Variants in FOXP2 observed in about 807,000 individuals in gnomAD.
FOXP2 encodes the protein forkhead box protein P2.
Under a neutral mutation model 115.8 loss-of-function variants are expected in FOXP2, and 12 were observed. That is an observed-to-expected ratio of 0.10 (90% confidence interval 0.07 to 0.17). The LOEUF is 0.17. Among genes scored for constraint, FOXP2 ranks in the 10% least tolerant of loss-of-function variants. The pLI, the probability that FOXP2 is intolerant of heterozygous loss-of-function variation, is 1.00. For missense variants in FOXP2, 629 were observed against 843.5 expected (o/e 0.75, Z 3.15); for synonymous variants, 328 against 297.7 (o/e 1.10, Z -1.05).
chr7:114,479,595 G>A (rs35197489), intron 2 of FOXP2, among the ~76,000 whole-genome samples: 9,414 of 150,504 alleles, frequency 0.063, 921 homozygotes, highest in African/African-American at 0.21. Flanking sequence ...AATATATGAG[G>A]GAGATTGACT....
intron 1 of FOXP2, among the ~76,000 whole-genome samples, chr7:114,281,869 T>C (rs2129174964): frequency 6.6e-6 from 1 of 152,290 alleles, no homozygotes; most frequent in South Asian, 2.1e-4. Flanking sequence ...TTAATGGATT[T>C]ATTAGGATGT....
At chr7:114,589,444 C>G (rs2129306901) in intron 3 of FOXP2, among the ~76,000 whole-genome samples, 1 of 152,230 alleles carries the variant, frequency 6.6e-6, no homozygotes, top group African/African-American at 2.4e-5. Flanking sequence ...CTGAGCACAC[C>G]ATTGCCCATA....
chr7:114,591,978 A>G (rs1802458503), intron 3 of FOXP2, among the ~76,000 whole-genome samples: 1 of 152,058 alleles, frequency 6.6e-6, no homozygotes, highest in Non-Finnish European at 1.5e-5. Context: ...AAGTTATTTA[A>G]ACTTAAAAAG....
intron 7 of FOXP2, among the ~76,000 whole-genome samples, 187 bp downstream of exon 7, chr7:114,642,810 A>ATTTTTTTTT (rs1277733394): frequency 7.9e-5 from 6 of 75,766 alleles, no homozygotes; most frequent in African/African-American, 2.4e-4. Context: ...ATATATATAT[A>ATTTTTTTTT]TATTTTTTTT....
chr7:114,090,593 C>G (rs557959901), intron 1 of FOXP2, among the ~76,000 whole-genome samples: 1 of 151,836 alleles, frequency 6.6e-6, no homozygotes, highest in African/African-American at 2.4e-5. Context: ...TAAAGGTAAT[C>G]CCTGTGCTTG....
chr7:114,689,751 T>G (rs778951988), intron 16 of FOXP2, 31 bp from the exon 17 acceptor site: 45 of 1,612,254 alleles, frequency 2.8e-5, no homozygotes, highest in Non-Finnish European at 3.8e-5. Context: ...GCTTACTTAG[T>G]AAAATTTTGG....
At chr7:114,424,626 GAGTATT>G (rs1385416786) in intron 1 of FOXP2, among the ~76,000 whole-genome samples, 1 of 151,330 alleles carries the variant, frequency 6.6e-6, no homozygotes, top group Non-Finnish European at 1.5e-5. Flanking sequence ...TCTCAGAAAA[GAGTATT>G]AGCTTTGTTT....
chr7:114,595,553 T>A (rs1036389662), intron 3 of FOXP2, among the ~76,000 whole-genome samples: 1 of 152,068 alleles, frequency 6.6e-6, no homozygotes, highest in Admixed American at 6.6e-5. Flanking sequence ...AATTCTGCAA[T>A]GTAAACAGTA....
chr7:114,320,129 C>T (rs919734311), intron 2 of FOXP2, among the ~76,000 whole-genome samples: 2 of 152,200 alleles, frequency 1.3e-5, no homozygotes, highest in Non-Finnish European at 2.9e-5. Flanking sequence ...CATTTCCCAG[C>T]ACTCTGCTCC....
chr7:114,476,904 C>T (rs1796296632), intron 2 of FOXP2, among the ~76,000 whole-genome samples: 1 of 151,882 alleles, frequency 6.6e-6, no homozygotes, highest in Non-Finnish European at 1.5e-5. Context: ...TGCAAAAGTG[C>T]TCAGCATCAC....
chr7:114,583,184 C>G (rs765248739), intron 3 of FOXP2, among the ~76,000 whole-genome samples: 7 of 152,010 alleles, frequency 4.6e-5, no homozygotes, highest in Non-Finnish European at 2.9e-5. Flanking sequence ...TCGAGCAAGA[C>G]CAGCCTAGCC....
intron 16 of FOXP2, among the ~76,000 whole-genome samples, chr7:114,677,172 C>CAAAAAA (rs538753120): frequency 3.8e-5 from 2 of 52,910 alleles, no homozygotes; most frequent in African/African-American, 5.8e-5. Context: ...TCTCAAAAAA[C>CAAAAAA]AAAAAAAAAA....
intron 2 of FOXP2, among the ~76,000 whole-genome samples, chr7:114,527,182 C>A (rs1221778155): frequency 6.6e-6 from 1 of 151,942 alleles, no homozygotes; most frequent in African/African-American, 2.4e-5. Context: ...AATAAATATA[C>A]CGTATTTTAT....
chr7:114,302,527 T>G (rs1372778768), intron 2 of FOXP2, among the ~76,000 whole-genome samples: 1 of 152,142 alleles, frequency 6.6e-6, no homozygotes, highest in Non-Finnish European at 1.5e-5. Context: ...TTAGTAAGAA[T>G]AGAGACAGTA....
intron 2 of FOXP2, among the ~76,000 whole-genome samples, chr7:114,315,483 C>A (rs760851866): frequency 5.3e-5 from 8 of 152,094 alleles, no homozygotes; most frequent in Non-Finnish European, 1.2e-4. Flanking sequence ...TAAATGTTGA[C>A]CATACTGTTG....
At chr7:114,408,686 C>T (rs1397189673) in intron 2 of FOXP2, among the ~76,000 whole-genome samples, 1 of 151,936 alleles carries the variant, frequency 6.6e-6, no homozygotes, top group Non-Finnish European at 1.5e-5. Flanking sequence ...GAGATTGAGC[C>T]ATTGCACTCC....
At chr7:114,416,684 C>G (rs543555695) in intron 1 of FOXP2, among the ~76,000 whole-genome samples, 1 of 151,862 alleles carries the variant, frequency 6.6e-6, no homozygotes, top group African/African-American at 2.4e-5. Flanking sequence ...TTCATAATGC[C>G]CTTTTAAAGG....
chr7:114,210,655 T>C (rs552462143), intron 1 of FOXP2, among the ~76,000 whole-genome samples: 8 of 152,266 alleles, frequency 5.3e-5, no homozygotes, highest in Middle Eastern at 3.4e-3. Context: ...AAAGAAGCAG[T>C]CTGGCTGCTT....
Position 114,664,344 on chromosome 7 carries a change from A to G in FOXP2, c.1911A>G (p.Leu637=). The change falls in exon 16 of 17, where the codon CTA becomes CTG. Residue 637 remains leucine, a synonymous_variant. Transcript: ENST00000350908. ...TGATAAATAATGCATCCAGTGGCCT[A>G]CTGCAGGCCGTCCACGAAGACCTCA... ...PGLINNASSG[L]LQAVHEDLNG... is the part of the protein sequence containing the mutation. 2 of 1,613,628 alleles carry G rather than the reference A, an allele frequency of 1.2e-6. No homozygotes were observed. The highest frequency in any genetic ancestry group is 1.7e-6 in the Non-Finnish European group (2 of 1,179,710).
Sources: gnomAD v4.1 joint callset for allele counts (sites outside exome capture counted in the v4.1 genomes callset) on GRCh38, gnomAD v4.1.1 for gene constraint, MANE v1.5 for transcripts, NCBI Gene and HGNC (gene_info 2026-07-23, HGNC 2026-07-21) for gene names.